LRRC75A: variants seen among roughly 807,000 people sequenced by gnomAD.
The protein encoded by LRRC75A is leucine-rich repeat-containing protein 75A.
In LRRC75A, 12 loss-of-function variants were observed where a neutral mutation model predicts 26.0. The observed-to-expected ratio is 0.46, with a 90% CI of 0.30 to 0.75. The LOEUF (loss-of-function observed/expected upper bound fraction) is 0.75. LRRC75A is among the 30% of genes least tolerant of loss of function. The probability of loss-of-function intolerance (pLI) is 0.08; values close to 1 mark genes in which losing one functional copy is unlikely to be tolerated. For missense variants in LRRC75A, 410 were observed against 486.6 expected, an observed-to-expected ratio of 0.84 and a Z score of 1.48; for synonymous variants, 223 against 219.3, an observed-to-expected ratio of 1.02 and a Z score of -0.15.
At chr17:16,456,172 GTA>G (rs2093677660) in intron 2 of LRRC75A, among the ~76,000 whole-genome samples, 4 of 115,674 alleles carry the variant, frequency 3.5e-5, no homozygotes, top group Admixed American at 8.2e-5. Flanking sequence ...AAGAGGAGGG[GTA>G]GGAGGAGGAA....
chr17:16,459,725 AGATGCAAATTGCTC>A (rs1414149028), intron 2 of LRRC75A, among the ~76,000 whole-genome samples: 16 of 152,172 alleles, frequency 1.1e-4, no homozygotes, highest in Non-Finnish European at 1.9e-4. Context: ...TGAACTTCTC[AGATGCAAATTGCTC>A]TGACCAGGAT....
chr17:16,469,881 C>G lies in LRRC75A; in HGVS notation c.247-7495G>C, dbSNP rs79948557. ...ATGAAGGGAGAGGGGAGTGGAAGAG[C>G]CCTCCTTTTACCTCCAAATTGTCAC... On this transcript the variant is annotated intron_variant, in intron 1 of 3. Coordinates refer to ENST00000470794, the MANE Select transcript of LRRC75A (RefSeq NM_001113567.3). Among the ~76,000 whole-genome samples the G allele has an allele frequency of 5.4e-3, 817 of 152,216 alleles. 7 individuals are homozygous for G. In the East Asian group the frequency reaches 0.056, roughly 10 times the overall value.
Position 16,444,035 on chromosome 17 carries a change from G to T in LRRC75A, c.588C>A (p.Tyr196Ter). The change falls in exon 4 of 4, where the codon TAC (tyrosine) becomes TAA (stop). Residue 196 changes from tyrosine (Y) to a stop codon, truncating the protein, a stop_gained. Transcript: ENST00000470794. LOFTEE classifies it high-confidence loss of function. ...TSRDLERVTS[Y>*]LQRCGEQVDS... ...CTACCTGCTCCCCACAGCGCTGTAG[G>T]TAGCTGGTCACCCGCTCCAGGTCTC... 1 of 1,613,734 alleles carries T rather than the reference G, an allele frequency of 6.2e-7. No homozygotes were observed. The highest frequency in any genetic ancestry group is 8.5e-7 in the Non-Finnish European group (1 of 1,179,842).
intron 1 of LRRC75A, among the ~76,000 whole-genome samples, chr17:16,477,420 C>G (rs1396264764): frequency 1.3e-5 from 2 of 152,346 alleles, no homozygotes; most frequent in South Asian, 4.1e-4. Flanking sequence ...AGAGATGAGT[C>G]ATGCTGGATG....
chr17:16,470,860 CAG>C (rs2093803450), intron 1 of LRRC75A, among the ~76,000 whole-genome samples: 1 of 152,068 alleles, frequency 6.6e-6, no homozygotes, highest in African/African-American at 2.4e-5. Flanking sequence ...AATCTGAAAT[CAG>C]GGTGTTGGCA....
intron 1 of LRRC75A, among the ~76,000 whole-genome samples, chr17:16,487,232 G>A (rs2093848912): frequency 6.6e-6 from 1 of 152,232 alleles, no homozygotes; most frequent in African/African-American, 2.4e-5. Context: ...GGAGGAAGAA[G>A]AGCAGGCCCA....
intron 2 of LRRC75A, among the ~76,000 whole-genome samples, chr17:16,456,663 A>C (rs534424130): frequency 6.6e-6 from 1 of 152,160 alleles, no homozygotes. Flanking sequence ...AGGGTAGAGC[A>C]GCGAGGAGGG....
Position 16,442,550 on chromosome 17 carries a change from G to C in LRRC75A, c.*1038C>G, listed in dbSNP as rs2093540201. The C allele has an allele frequency of 6.6e-6, 1 of 152,230 alleles. No homozygotes were observed. The highest frequency in any genetic ancestry group is 2.1e-4 in the South Asian group (1 of 4,830). 9.4% of individuals were successfully genotyped at this position (152,230 alleles called of 1,614,324 possible). ...TAAGATGAGAACCTTTGCTAAGTTA[G>C]GTTCCTTTGGGAGCCTCCAGTTTGT... On this transcript the variant is annotated 3_prime_UTR_variant, in exon 4 of 4. Coordinates refer to ENST00000470794, the MANE Select transcript of LRRC75A (RefSeq NM_001113567.3).
At chr17:16,445,076 T>C (rs1041644323) in intron 3 of LRRC75A, among the ~76,000 whole-genome samples, 3 of 150,790 alleles carry the variant, frequency 2.0e-5, no homozygotes, top group African/African-American at 7.3e-5. Flanking sequence ...CTGGAACTCC[T>C]GACCTCAGGT....
chr17:16,489,572 G>A (rs1456407494), intron 1 of LRRC75A, among the ~76,000 whole-genome samples: 1 of 152,250 alleles, frequency 6.6e-6, no homozygotes, highest in African/African-American at 2.4e-5. Flanking sequence ...CCACTTCAGT[G>A]CACAGCACAA....
In LRRC75A at chr17:16,458,794, T is replaced by C. The variant is rs528873339; in HGVS notation, c.375+3464A>G. 6.6e-5 allele frequency among the ~76,000 whole-genome samples: 10 copies of C among 152,030 alleles called. No homozygotes were observed. In the South Asian group the frequency reaches 2.1e-3, roughly 32 times the overall value. On this transcript the variant is annotated intron_variant, in intron 2 of 3. Transcript: ENST00000470794. The stretch of plus-strand genomic sequence containing the variant: ...CAGACCTGCCAACTTCTGTTAAGCC[T>C]TCTGACACCTGCAGCCCTGACCAAT...
chr17:16,470,077 A>G (rs2093798682), intron 1 of LRRC75A, among the ~76,000 whole-genome samples: 1 of 152,088 alleles, frequency 6.6e-6, no homozygotes, highest in Admixed American at 6.5e-5. Flanking sequence ...GGCTCCTCTC[A>G]GACTGCCCAC....
In LRRC75A at chr17:16,467,889, C is replaced by T. The variant is rs539206146; in HGVS notation, c.247-5503G>A. Among the ~76,000 whole-genome samples, 10 of 152,318 alleles carry T rather than the reference C, an allele frequency of 6.6e-5. No individual in the cohort carries two copies. In the South Asian group the frequency reaches 1.2e-3, roughly 19 times the overall value. ...CAAAGGGACATCTCATTCTTGACATCGCCCAAACTCCTAAAATCCCTTCCC... is the reference window on the plus strand; with the variant it reads ...CAAAGGGACATCTCATTCTTGACATTGCCCAAACTCCTAAAATCCCTTCCC... On this transcript the variant is annotated intron_variant, in intron 1 of 3. Coordinates refer to ENST00000470794, the MANE Select transcript of LRRC75A (RefSeq NM_001113567.3).
chr17:16,478,544 A>G (rs1024812307), intron 1 of LRRC75A: 2 of 152,170 alleles, frequency 1.3e-5, no homozygotes, highest in African/African-American at 4.8e-5. Flanking sequence ...CCGTGTGCCC[A>G]TTACCTTCAG....
Position 16,491,803 on chromosome 17 carries a change from C to A in LRRC75A, c.188G>T (p.Arg63Leu). Residue 63 changes from arginine (R) to leucine (L), a missense_variant, in exon 1 of 4, where the codon CGG becomes CTG. Physicochemically the swap from Arg to Leu is moderately radical, Grantham distance 102. Coordinates refer to ENST00000470794, the MANE Select transcript of LRRC75A (RefSeq NM_001113567.3). This position sits in a 1 kb window ranked among gnomAD's most constrained non-coding sequence, Gnocchi z 5.9. ...CTCCCGCCGGCCCTGGCGCACCATC[C>A]GCAGCAGCTCCTGGACCATGCCGAC... Reference protein sequence around the residue: ...RRVGMVQELLRMVRQGRREEA... With the variant: ...RRVGMVQELLLMVRQGRREEA... 7.0e-7 allele frequency: 1 copy of A among 1,437,164 alleles called. No individual in the cohort carries two copies. The highest frequency in any genetic ancestry group is 9.1e-7 in the Non-Finnish European group (1 of 1,096,370). 89.0% of individuals were successfully genotyped at this position (1,437,164 alleles called of 1,614,324 possible). A position where few individuals can be genotyped will look rare whatever the true frequency, so the allele number is the denominator to read the frequency against.
intron 1 of LRRC75A, among the ~76,000 whole-genome samples, chr17:16,477,914 G>A (rs143133966): frequency 1.3e-3 from 202 of 152,210 alleles, no homozygotes; most frequent in African/African-American, 4.6e-3. Context: ...TCGAGACACC[G>A]GGAGGGAGGA....
rs1446819203 is a variant in LRRC75A at position 16,442,536 on chromosome 17, C to A, written c.*1052G>T. 6.6e-6 allele frequency: 1 copy of A among 152,218 alleles called. No homozygotes were observed. Among genetic ancestry groups the A allele is most frequent in the Non-Finnish European group, 1.5e-5 (1 of 68,060 alleles). The allele number at this position is 152,218 out of a possible 1,614,324, so 9.4% of individuals were successfully genotyped here. The stretch of plus-strand genomic sequence containing the variant: ...GTAAGGGGAGGGTATAAGATGAGAA[C>A]CTTTGCTAAGTTAGGTTCCTTTGGG... On this transcript the variant is annotated 3_prime_UTR_variant, in exon 4 of 4. Coordinates refer to ENST00000470794, the MANE Select transcript of LRRC75A (RefSeq NM_001113567.3).
intron 3 of LRRC75A, chr17:16,447,112 AAGAC>A: frequency 4.6e-6 from 1 of 215,712 alleles, no homozygotes; most frequent in Non-Finnish European, 9.9e-6. Context: ...CATTTGCAAA[AAGAC>A]AGGTGTGCTT....
rs778602707 is a variant in LRRC75A, at chr17:16,491,048, T to C, written c.246+697A>G. On this transcript the variant is annotated intron_variant, in intron 1 of 3. Transcript: ENST00000470794. The surrounding 1 kb of genome is among the most constrained non-coding windows in gnomAD (Gnocchi z 5.9). ...TTCCGCAACATCTGTCCCTAGCCAG[T>C]GGGACAGGCACAGGCTAAGGACAGA... Among the ~76,000 whole-genome samples the C allele has an allele frequency of 2.9e-4, 44 of 152,228 alleles. No homozygotes were observed. Among genetic ancestry groups the C allele is most frequent in the Non-Finnish European group, 5.4e-4 (37 of 68,034 alleles).
Sources: allele counts gnomAD v4.1 joint callset (sites outside exome capture counted in the v4.1 genomes callset), GRCh38; gene constraint gnomAD v4.1.1; non-coding constraint Gnocchi (gnomAD v3.1); transcripts MANE v1.5; gene names NCBI Gene and HGNC (gene_info 2026-07-23, HGNC 2026-07-21).